The following TMEFF2 variants were observed in gnomAD, a reference collection of about 807,000 sequenced individuals.
The protein encoded by TMEFF2 is transmembrane protein with EGF like and two follistatin like domains 2, also known as tomoregulin-2.
In TMEFF2, 28 loss-of-function variants were observed where a neutral mutation model predicts 53.8. The ratio of observed to expected loss-of-function variants is 0.52; its 90% confidence interval spans 0.39 to 0.71. The LOEUF is 0.71. Among genes scored for constraint, TMEFF2 ranks in the 30% least tolerant of loss-of-function variants. The pLI, the probability that TMEFF2 is intolerant of heterozygous loss-of-function variation, is 0.00. For synonymous variants in TMEFF2, 162 were observed against 166.3 expected (o/e 0.97, Z 0.20); for missense variants, 353 against 455.2 (o/e 0.78, Z 2.04).
intron 4 of TMEFF2, among the ~76,000 whole-genome samples, chr2:192,129,985 C>T (rs1054158183): frequency 6.6e-6 from 1 of 152,108 alleles, no homozygotes; most frequent in Non-Finnish European, 1.5e-5. Flanking sequence ...GTATTATTTT[C>T]CCTAAATATA....
intron 2 of TMEFF2, among the ~76,000 whole-genome samples, chr2:192,189,143 C>T (rs1476466206): frequency 3.9e-5 from 6 of 152,038 alleles, no homozygotes; most frequent in African/African-American, 1.5e-4. Context: ...GAGGTGAAGG[C>T]TAATAATGTT....
intron 5 of TMEFF2, among the ~76,000 whole-genome samples, chr2:192,018,962 A>G (rs1686801729): frequency 6.6e-6 from 1 of 152,020 alleles, no homozygotes; most frequent in Non-Finnish European, 1.5e-5. Context: ...TTATTATACA[A>G]TATTATTATT....
intron 4 of TMEFF2, among the ~76,000 whole-genome samples, chr2:192,141,533 T>C (rs547394433): frequency 4.6e-5 from 7 of 152,136 alleles, no homozygotes; most frequent in African/African-American, 1.4e-4. Flanking sequence ...TTGACTTTTA[T>C]TATTATTTAG....
intron 4 of TMEFF2, among the ~76,000 whole-genome samples, chr2:192,155,048 A>G (rs769985282): frequency 2.0e-5 from 3 of 151,914 alleles, no homozygotes; most frequent in Non-Finnish European, 4.4e-5. Context: ...AAAAAGGCAA[A>G]GTTTCCTCCC....
At chr2:192,077,964 C>T (rs1318112921) in intron 4 of TMEFF2, among the ~76,000 whole-genome samples, 1 of 152,094 alleles carries the variant, frequency 6.6e-6, no homozygotes, top group Non-Finnish European at 1.5e-5. Context: ...CAGACTCTAG[C>T]AAGCACTAGA....
At chr2:192,103,794 TA>T (rs1689087008) in intron 4 of TMEFF2, among the ~76,000 whole-genome samples, 1 of 151,908 alleles carries the variant, frequency 6.6e-6, no homozygotes. Context: ...CTTTGTTTTA[TA>T]TGCAGAGATG....
intron 9 of TMEFF2, among the ~76,000 whole-genome samples, chr2:191,950,627 GTTGA>G (rs1691847005): frequency 1.2e-5 from 1 of 82,048 alleles, no homozygotes; most frequent in African/African-American, 4.5e-5. Context: ...ACAGGCAGAA[GTTGA>G]AGAGGAAGAC....
chr2:192,075,895 G>C (rs1273921310), intron 4 of TMEFF2, among the ~76,000 whole-genome samples: 2 of 151,864 alleles, frequency 1.3e-5, no homozygotes, highest in African/African-American at 4.8e-5. Context: ...TTCTGTACTT[G>C]AGGAAGGAAG....
rs528529384 is a variant in TMEFF2 at position 192,077,398 on chromosome 2, G to T, written c.440-19623C>A. ...AATGTATAAAAAAACTCTGGTTTTC[G>T]ATATGAAAAGGATTCATAACTGGTG... On this transcript the variant is annotated intron_variant, in intron 4 of 9. Coordinates refer to ENST00000272771, the MANE Select transcript of TMEFF2 (RefSeq NM_016192.4). Among the ~76,000 whole-genome samples the T allele has an allele frequency of 1.0e-3, 156 of 152,198 alleles. 2 individuals carry two copies. The highest frequency in any genetic ancestry group is 3.7e-3 in the African/African-American group (152 of 41,530).
intron 4 of TMEFF2, among the ~76,000 whole-genome samples, chr2:192,086,544 A>G (rs1688673508): frequency 6.6e-6 from 1 of 152,114 alleles, no homozygotes; most frequent in Non-Finnish European, 1.5e-5. Flanking sequence ...TAACACTTCA[A>G]AAAAGGTAAA....
intron 7 of TMEFF2, among the ~76,000 whole-genome samples, chr2:191,971,130 G>C (rs576413520): frequency 6.6e-6 from 1 of 152,108 alleles, no homozygotes; most frequent in Non-Finnish European, 1.5e-5. Flanking sequence ...AAACAGTTAA[G>C]GATCCAATGT....
intron 4 of TMEFF2, among the ~76,000 whole-genome samples, chr2:192,075,124 TAC>T (rs1255033857): frequency 1.3e-5 from 2 of 151,100 alleles, no homozygotes; most frequent in African/African-American, 4.9e-5. Context: ...CAGATTAGAA[TAC>T]TCGAACTAGG....
chr2:192,000,761 CTTAT>C (rs762817115), intron 5 of TMEFF2, among the ~76,000 whole-genome samples: 86 of 152,110 alleles, frequency 5.7e-4, no homozygotes, highest in Non-Finnish European at 1.2e-3. Flanking sequence ...AATGAACTTA[CTTAT>C]TTATTTATTT....
At chr2:192,089,314 A>T (rs867154571) in intron 4 of TMEFF2, among the ~76,000 whole-genome samples, 12 of 150,374 alleles carry the variant, frequency 8.0e-5, no homozygotes, top group Non-Finnish European at 1.6e-4. Context: ...AGAATTAGGT[A>T]AGCAGCCTAG....
intron 5 of TMEFF2, chr2:192,028,057 TGG>T (rs56753899): frequency 0.096 from 10,908 of 113,874 alleles, 688 homozygotes; most frequent in African/African-American, 0.18. Flanking sequence ...GATTGAATTA[TGG>T]GGGGGGGGGG....
intron 4 of TMEFF2, among the ~76,000 whole-genome samples, chr2:192,161,940 A>T (rs1690644184): frequency 6.6e-6 from 1 of 152,186 alleles, no homozygotes; most frequent in South Asian, 2.1e-4. Context: ...CTTGATGTTC[A>T]CCATATTAAA....
At chr2:192,155,136 T>C (rs1004680467) in intron 4 of TMEFF2, among the ~76,000 whole-genome samples, 3 of 151,992 alleles carry the variant, frequency 2.0e-5, no homozygotes, top group Non-Finnish European at 2.9e-5. Flanking sequence ...TCCAAGCTTA[T>C]GGTTGGAACA....
At chr2:192,112,397 C>T (rs377195430) in intron 4 of TMEFF2, among the ~76,000 whole-genome samples, 3 of 152,160 alleles carry the variant, frequency 2.0e-5, no homozygotes, top group East Asian at 1.9e-4. Context: ...TTTGGATTTG[C>T]GTGGGGCCTG....
chr2:192,053,540 CTT>C (rs1167045009), intron 5 of TMEFF2, among the ~76,000 whole-genome samples: 1 of 152,184 alleles, frequency 6.6e-6, no homozygotes, highest in East Asian at 1.9e-4. Context: ...TTATTCACAT[CTT>C]GTTATTATTT....
Sources: allele counts gnomAD v4.1 joint callset (sites outside exome capture counted in the v4.1 genomes callset), GRCh38; gene constraint gnomAD v4.1.1; transcripts MANE v1.5; gene names NCBI Gene and HGNC (gene_info 2026-07-23, HGNC 2026-07-21).